The following PSMD6 variants were observed in gnomAD, a reference collection of about 807,000 sequenced individuals.
PSMD6 encodes the protein 26S proteasome non-ATPase regulatory subunit 6.
In PSMD6, 7 loss-of-function variants were observed where a neutral mutation model predicts 44.9. The ratio of observed to expected loss-of-function variants is 0.16; its 90% CI spans 0.09 to 0.29. PSMD6 has a LOEUF of 0.29. Ranked by LOEUF, PSMD6 falls within the 10% of genes least tolerant of loss-of-function variation. The pLI is 1.00. For synonymous variants in PSMD6, 184 were observed against 172.7 expected (o/e 1.07, Z -0.51); for missense variants, 420 against 482.6 (o/e 0.87, Z 1.21).
At chr3:64,018,758 T>C (rs753563188) in intron 4 of PSMD6, 51 bp from the exon 5 acceptor site, 8 of 1,526,164 alleles carry the variant, frequency 5.2e-6, no homozygotes, top group Admixed American at 1.8e-5. Flanking sequence ...TTTTAATGAT[T>C]TGTGTATTTA....
Position 64,010,752 on chromosome 3 carries a change from C to T in PSMD6, c.1086G>A (p.Lys362=), listed in dbSNP as rs2075923574. The change falls in exon 8 of 8, where the codon AAG becomes AAA. Residue 362 remains lysine, a synonymous_variant. Transcript: ENST00000295901. ...EIVETNRPDS[K]NWQYQETIKK... ...TGATAGTTTCTTGGTACTGCCAGTT[C>T]TTGCTATCAGGTCTATAAATAAATT... The T allele has an allele frequency of 6.2e-7, 1 of 1,607,702 alleles. No homozygotes were observed. The highest frequency in any genetic ancestry group is 8.5e-7 in the Non-Finnish European group (1 of 1,175,742).
intron 5 of PSMD6, chr3:64,016,970 T>C (rs2076053897): frequency 6.6e-6 from 1 of 152,350 alleles, no homozygotes; most frequent in East Asian, 1.9e-4. Context: ...ATCATTTGGC[T>C]ATAAAACAAA....
At position 64,022,964 on chromosome 3, in the gene PSMD6, C is replaced by A. The variant is rs1442378042; in HGVS notation, c.145+311G>T. On this transcript the variant is annotated intron_variant, in intron 1 of 7. Transcript: ENST00000295901. Reference sequence around the variant, plus strand: ...ACCCCGCGCCCGGGAGCAGTCCCCACTGACAGAAAGTCACGGGGCCTTTAC... The same window carrying A: ...ACCCCGCGCCCGGGAGCAGTCCCCAATGACAGAAAGTCACGGGGCCTTTAC... 5.6e-6 allele frequency: 8 copies of A among 1,423,794 alleles called. No homozygotes were observed. In the African/African-American group the frequency reaches 8.6e-5, roughly 15 times the overall value. 88.2% of individuals were successfully genotyped at this position (1,423,794 alleles called of 1,614,324 possible).
chr3:64,016,212 A>G (rs1346456119), intron 5 of PSMD6: 1 of 152,016 alleles, frequency 6.6e-6, no homozygotes, highest in Non-Finnish European at 1.5e-5. Context: ...TAAATAAATA[A>G]AAGGTCTACA....
Position 64,013,453 on chromosome 3 carries a change from CACACCA to C in PSMD6, c.975_980del (p.Gly326_Val327del). 6.4e-7 allele frequency: 1 copy of C among 1,569,960 alleles called. No individual in the cohort carries two copies. Among genetic ancestry groups the C allele is most frequent in the Non-Finnish European group, 8.6e-7 (1 of 1,161,554 alleles). ...TTCAAACTTACTGATCAATGAATTC[CACACCA>C]ACACCAAACGCTTCTGCCATATAGC... On this transcript the variant is annotated inframe_deletion, in exon 6 of 8. Coordinates refer to ENST00000295901, the MANE Select transcript of PSMD6 (RefSeq NM_014814.3).
rs2075927102 is a variant in PSMD6 at position 64,010,867 on chromosome 3, A to T, written c.1073+11T>A. The T allele has an allele frequency of 1.9e-6, 3 of 1,599,032 alleles. No individual in the cohort carries two copies. The highest frequency in any genetic ancestry group is 2.6e-6 in the Non-Finnish European group (3 of 1,168,926). On this transcript the variant is annotated intron_variant, in intron 7 of 7. Transcript: ENST00000295901. ...TTTAGGAATGCCCCTTATTCTGAGA[A>T]ATGAGAGTACCTGTTGGTTTCTACT...
intron 2 of PSMD6, among the ~76,000 whole-genome samples, chr3:64,020,695 C>T (rs1470618324): frequency 6.6e-6 from 1 of 152,168 alleles, no homozygotes; most frequent in Admixed American, 6.5e-5. Context: ...TTACTATGTG[C>T]TAGGTACCAG....
intron 1 of PSMD6, 132 bp from the exon 2 acceptor site, chr3:64,022,655 G>C: frequency 6.5e-7 from 1 of 1,549,552 alleles, no homozygotes; most frequent in South Asian, 1.2e-5. Flanking sequence ...GAAGGCATGC[G>C]ATGGCGCTTA....
rs554515472 is a variant in PSMD6 at position 64,019,483 on chromosome 3, G to A, written c.352-42C>T. The A allele has an allele frequency of 5.1e-6, 8 of 1,578,142 alleles. No individual in the cohort carries two copies. The African/African-American group carries it at 6.9e-5, about 14-fold the overall frequency. The stretch of plus-strand genomic sequence containing the variant: ...GGCAATAGGTGAGAAAAGGCTACAA[G>A]TTTCCAAAAAAAGCTATCAGCTGTC... On this transcript the variant is annotated intron_variant, in intron 2 of 7. Coordinates refer to ENST00000295901, the MANE Select transcript of PSMD6 (RefSeq NM_014814.3).
intron 5 of PSMD6, 110 bp downstream of exon 5, chr3:64,018,489 A>G (rs1469698927): frequency 1.8e-5 from 14 of 762,134 alleles, no homozygotes; most frequent in Non-Finnish European, 2.8e-5. Context: ...ACATGCAGCT[A>G]CCTACACACT....
Position 64,018,976 on chromosome 3 carries a change from A to G in PSMD6, c.559T>C (p.Tyr187His). The G allele has an allele frequency of 2.5e-6, 4 of 1,612,966 alleles. No individual in the cohort carries two copies. Among genetic ancestry groups the G allele is most frequent in the Non-Finnish European group, 3.4e-6 (4 of 1,178,962 alleles). Residue 187 changes from tyrosine to histidine, a missense_variant, in exon 4 of 8, where the codon TAT becomes CAT. Physicochemically the swap from Tyr to His is moderately conservative, Grantham distance 83. Coordinates refer to ENST00000295901, the MANE Select transcript of PSMD6 (RefSeq NM_014814.3). ...RNRLKVYQGL[Y>H]CVAIRDFKQA... ...TTGAAATCACGAATAGCCACACAAT[A>G]AAGACCCTGATACACTTTTAGGCGG... is the stretch of plus-strand genomic sequence containing the variant.
Position 64,023,423 on chromosome 3 carries a change from G to T in PSMD6, c.-4C>A. ...CCTCCAGGTTCTCCAGCGGCATCGCGGCGAAGGGGACAGCGGCTGACAGGA... is the reference window on the plus strand; with the variant it reads ...CCTCCAGGTTCTCCAGCGGCATCGCTGCGAAGGGGACAGCGGCTGACAGGA... On this transcript the variant is annotated 5_prime_UTR_variant, in exon 1 of 8. Coordinates refer to ENST00000295901, the MANE Select transcript of PSMD6 (RefSeq NM_014814.3). 1 of 1,596,586 alleles carries T rather than the reference G, an allele frequency of 6.3e-7. No individual in the cohort carries two copies. Among genetic ancestry groups the T allele is most frequent in the Non-Finnish European group, 8.6e-7 (1 of 1,168,790 alleles).
At chr3:64,022,975 T>G in intron 1 of PSMD6, 1 of 1,422,782 alleles carries the variant, frequency 7.0e-7, no homozygotes, top group Non-Finnish European at 9.2e-7. Context: ...TGACAGAAAG[T>G]CACGGGGCCT....
chr3:64,021,018 G>T (rs1271887498), intron 2 of PSMD6, among the ~76,000 whole-genome samples: 8 of 151,956 alleles, frequency 5.3e-5, no homozygotes. Context: ...GTGCCCTGAT[G>T]GTGGAGTAAG....
chr3:64,022,482 A>G lies in PSMD6; in HGVS notation c.187T>C (p.Trp63Arg). 4 of 1,614,140 alleles carry G rather than the reference A, an allele frequency of 2.5e-6. No individual in the cohort carries two copies. The highest frequency in any genetic ancestry group is 3.4e-6 in the Non-Finnish European group (4 of 1,179,972). ...TTGAGTAGGTCCACGTCTATCTGCCAGTCGAGGGATTTGCACAAGGCTTCA... is the reference window on the plus strand; with the variant it reads ...TTGAGTAGGTCCACGTCTATCTGCCGGTCGAGGGATTTGCACAAGGCTTCA... Reference protein sequence around the residue: ...YYEALCKSLDWQIDVDLLNKM... With the variant: ...YYEALCKSLDRQIDVDLLNKM... The change falls in exon 2 of 8, where the codon TGG becomes CGG. Residue 63 changes from tryptophan to arginine, a missense_variant. This residue lies in a region of PSMD6 where 136 missense variants were observed against 124.2 expected (regional missense o/e 1.09). Coordinates refer to ENST00000295901, the MANE Select transcript of PSMD6 (RefSeq NM_014814.3).
chr3:64,018,763 T>A (rs1046463484), intron 4 of PSMD6, 55 bp downstream of exon 4: 48 of 1,526,160 alleles, frequency 3.1e-5, no homozygotes, highest in Non-Finnish European at 4.2e-5. Context: ...ATGATTTGTG[T>A]ATTTAAACAA....
intron 6 of PSMD6, chr3:64,011,650 A>G (rs1469979994): frequency 6.3e-5 from 5 of 78,780 alleles, no homozygotes; most frequent in African/African-American, 3.0e-4. Flanking sequence ...ACATGAAGGG[A>G]AAAAAAAAAA....
chr3:64,022,769 C>A (rs1204137799), intron 1 of PSMD6: 2 of 1,536,072 alleles, frequency 1.3e-6, no homozygotes, highest in Admixed American at 3.9e-5. Flanking sequence ...GGGCAATCCT[C>A]GGTTTGCTCT....
intron 6 of PSMD6, 164 bp from the exon 7 acceptor site, chr3:64,011,119 CT>C: frequency 1.8e-6 from 1 of 543,114 alleles, no homozygotes; most frequent in East Asian, 3.0e-5. Context: ...ATACTGCAGG[CT>C]TTAAGTCATC....
Sources: gnomAD v4.1 joint callset for allele counts (sites outside exome capture counted in the v4.1 genomes callset) on GRCh38, gnomAD v4.1.1 for gene constraint, gnomAD v4.1.1 regional missense constraint, MANE v1.5 for transcripts, NCBI Gene and HGNC (gene_info 2026-07-23, HGNC 2026-07-21) for gene names.